CHRM3: variants seen among roughly 807,000 people sequenced by gnomAD.
CHRM3 encodes muscarinic acetylcholine receptor M3.
Under a neutral mutation model 41.8 loss-of-function variants are expected in CHRM3, and 11 were observed. That is an observed-to-expected ratio of 0.26 (90% CI 0.17 to 0.44). The LOEUF (loss-of-function observed/expected upper bound fraction) is 0.44, where lower values mean the gene tolerates loss of function less well. Ranked by LOEUF, CHRM3 falls within the 20% of genes least tolerant of loss-of-function variation. The probability of loss-of-function intolerance (pLI) is 1.00; values close to 1 mark genes in which losing one functional copy is unlikely to be tolerated. For missense variants in CHRM3, 571 were observed against 745.4 expected (o/e 0.77, Z 2.72); for synonymous variants, 297 against 301.4 (o/e 0.99, Z 0.15).
At chr1:239,580,539 A>G (rs943509027) in intron 3 of CHRM3, among the ~76,000 whole-genome samples, 1 of 151,744 alleles carries the variant, frequency 6.6e-6, no homozygotes, top group African/African-American at 2.4e-5. Context: ...AGAACTGTCA[A>G]GTGATTGATT....
chr1:239,857,151 G>A (rs1277416308), intron 6 of CHRM3, among the ~76,000 whole-genome samples: 1 of 152,170 alleles, frequency 6.6e-6, no homozygotes, highest in Non-Finnish European at 1.5e-5. Context: ...TAAAAACCAG[G>A]AGGGTAGAAA....
chr1:239,684,145 G>T (rs549493334), intron 5 of CHRM3, among the ~76,000 whole-genome samples: 22 of 152,142 alleles, frequency 1.4e-4, no homozygotes, highest in Non-Finnish European at 3.1e-4. Context: ...TGGTTCAGTG[G>T]TAGAATTCAT....
At chr1:239,446,078 A>C (rs773236996) in intron 1 of CHRM3, among the ~76,000 whole-genome samples, 2 of 152,078 alleles carry the variant, frequency 1.3e-5, no homozygotes, top group Non-Finnish European at 2.9e-5. Context: ...CTGGAACTAC[A>C]GGTGTGCACC....
intron 3 of CHRM3, among the ~76,000 whole-genome samples, chr1:239,613,214 A>T (rs1667260585): frequency 6.6e-6 from 1 of 152,202 alleles, no homozygotes; most frequent in South Asian, 2.1e-4. Flanking sequence ...AGATTTTGCT[A>T]AACCAAGAAC....
chr1:239,521,121 G>A (rs2148265501), intron 2 of CHRM3, among the ~76,000 whole-genome samples: 2 of 152,274 alleles, frequency 1.3e-5, no homozygotes, highest in South Asian at 4.1e-4. Context: ...CCACATTTCT[G>A]TGGCAGCATC....
chr1:239,708,563 C>T (rs1008462514), intron 5 of CHRM3, among the ~76,000 whole-genome samples: 3 of 151,936 alleles, frequency 2.0e-5, no homozygotes, highest in Non-Finnish European at 4.4e-5. Context: ...CTCTAAACCC[C>T]GCATCTCCTT....
At chr1:239,632,977 T>C (rs1573031471) in intron 4 of CHRM3, among the ~76,000 whole-genome samples, 1 of 152,296 alleles carries the variant, frequency 6.6e-6, no homozygotes, top group African/African-American at 2.4e-5. Context: ...GCCATGTCTT[T>C]TTTGTTTGTT....
At chr1:239,643,725 T>C (rs1347224102) in intron 4 of CHRM3, among the ~76,000 whole-genome samples, 2 of 152,222 alleles carry the variant, frequency 1.3e-5, no homozygotes, top group African/African-American at 4.8e-5. Flanking sequence ...GCTTCCCAAG[T>C]GAGGCAATGC....
chr1:239,841,999 T>C (rs928932553), intron 6 of CHRM3, among the ~76,000 whole-genome samples: 4 of 152,142 alleles, frequency 2.6e-5, no homozygotes, highest in African/African-American at 9.7e-5. Flanking sequence ...ATCTCAGGCC[T>C]GAATAATTTG....
At position 239,458,482 on chromosome 1, in the gene CHRM3, A is replaced by G. The variant is rs574544397; in HGVS notation, c.-520-34227A>G. On this transcript the variant is annotated intron_variant, in intron 1 of 6. Coordinates refer to ENST00000676153, the MANE Select transcript of CHRM3 (RefSeq NM_001375978.1). ...AGATAAAAAGAAATATATTGCTTAT[A>G]CCAAAATGGAAGTCCCTACTATCTT... is the stretch of plus-strand genomic sequence containing the variant. Among the ~76,000 whole-genome samples, 67 of 152,336 alleles carry G rather than the reference A, an allele frequency of 4.4e-4. 1 individual carries two copies. The highest frequency in any genetic ancestry group is 8.3e-4 in the South Asian group (4 of 4,830).
chr1:239,530,042 T>C (rs529084796), intron 2 of CHRM3, among the ~76,000 whole-genome samples: 2 of 152,040 alleles, frequency 1.3e-5, no homozygotes, highest in Non-Finnish European at 2.9e-5. Flanking sequence ...GGACTGCAGG[T>C]GCCCGCCACC....
intron 2 of CHRM3, among the ~76,000 whole-genome samples, chr1:239,538,680 A>G (rs2148375285): frequency 6.6e-6 from 1 of 152,356 alleles, no homozygotes; most frequent in Admixed American, 6.5e-5. Flanking sequence ...TAAATATAGG[A>G]GTTAATTTTC....
At chr1:239,645,776 A>G (rs1293899361) in intron 4 of CHRM3, among the ~76,000 whole-genome samples, 1 of 152,156 alleles carries the variant, frequency 6.6e-6, no homozygotes, top group East Asian at 1.9e-4. Flanking sequence ...AAGAACGGCC[A>G]TAGAGAACCA....
chr1:239,864,183 C>A (rs1220183943), intron 6 of CHRM3, among the ~76,000 whole-genome samples: 1 of 151,928 alleles, frequency 6.6e-6, no homozygotes, highest in African/African-American at 2.4e-5. Context: ...CATAGCGAGA[C>A]CCTGCCCCCC....
At chr1:239,663,387 C>T (rs1673457514) in intron 4 of CHRM3, among the ~76,000 whole-genome samples, 1 of 152,120 alleles carries the variant, frequency 6.6e-6, no homozygotes, top group Non-Finnish European at 1.5e-5. Flanking sequence ...AGCCATATGT[C>T]TTTCGATTGT....
At chr1:239,757,771 C>G (rs527749223) in intron 5 of CHRM3, among the ~76,000 whole-genome samples, 1 of 152,280 alleles carries the variant, frequency 6.6e-6, no homozygotes, top group South Asian at 2.1e-4. Context: ...CTTTAATGCT[C>G]AATAAACATT....
At chr1:239,435,065 G>A (rs1663127728) in intron 1 of CHRM3, among the ~76,000 whole-genome samples, 1 of 152,026 alleles carries the variant, frequency 6.6e-6, no homozygotes. Context: ...TTAGTAAAAT[G>A]TAGCAGTAAA....
intron 6 of CHRM3, among the ~76,000 whole-genome samples, chr1:239,845,107 T>G (rs569356812): frequency 2.0e-4 from 31 of 152,296 alleles, no homozygotes; most frequent in Admixed American, 7.2e-4. Flanking sequence ...CAAATCACAG[T>G]AAATTTTCCA....
intron 5 of CHRM3, among the ~76,000 whole-genome samples, chr1:239,785,521 T>C (rs895167136): frequency 6.6e-6 from 1 of 152,258 alleles, no homozygotes; most frequent in African/African-American, 2.4e-5. Flanking sequence ...TTGCTTCTGC[T>C]ACAGTCTCAT....
Sources: gnomAD v4.1 joint callset for allele counts (sites outside exome capture counted in the v4.1 genomes callset) on GRCh38, gnomAD v4.1.1 for gene constraint, MANE v1.5 for transcripts, NCBI Gene and HGNC (gene_info 2026-07-23, HGNC 2026-07-21) for gene names.